DPP10: variants seen among roughly 807,000 people sequenced by gnomAD.
The protein encoded by DPP10 is dipeptidyl peptidase like 10, also known as inactive dipeptidyl peptidase 10.
DPP10 carries 33 observed loss-of-function variants against 120.9 expected under a neutral mutation model. The observed-to-expected ratio is 0.27, with a 90% CI of 0.21 to 0.37. The LOEUF (loss-of-function observed/expected upper bound fraction) is 0.37, where lower values mean the gene tolerates loss of function less well. Among genes scored for constraint, DPP10 ranks in the 10% least tolerant of loss-of-function variants. The pLI, the probability that DPP10 is intolerant of heterozygous loss-of-function variation, is 1.00. For missense variants in DPP10, 816 were observed against 942.8 expected, an observed-to-expected ratio of 0.87 and a Z score of 1.76; for synonymous variants, 337 against 326.1, an observed-to-expected ratio of 1.03 and a Z score of -0.36.
chr2:114,545,369 T>C (rs892284380), intron 1 of DPP10, among the ~76,000 whole-genome samples: 2 of 152,236 alleles, frequency 1.3e-5, no homozygotes, highest in African/African-American at 4.8e-5. Flanking sequence ...TATTTCTATT[T>C]GTCAGCACTG....
intron 2 of DPP10, among the ~76,000 whole-genome samples, chr2:115,331,458 T>A (rs529494044): frequency 6.6e-6 from 1 of 152,312 alleles, no homozygotes; most frequent in Admixed American, 6.5e-5. Context: ...TCCAGCACTA[T>A]GTTGAATAGG....
At chr2:114,798,493 A>G (rs993961726) in intron 1 of DPP10, among the ~76,000 whole-genome samples, 3 of 152,056 alleles carry the variant, frequency 2.0e-5, no homozygotes, top group African/African-American at 7.2e-5. Context: ...AAAAAAAATC[A>G]ATTTGTTTAT....
chr2:114,564,933 A>T (rs1689083423), intron 1 of DPP10, among the ~76,000 whole-genome samples: 1 of 152,236 alleles, frequency 6.6e-6, no homozygotes, highest in Non-Finnish European at 1.5e-5. Flanking sequence ...GTCTCCTTTC[A>T]TCCATTAATA....
At chr2:114,959,241 C>T (rs1698436057) in intron 1 of DPP10, among the ~76,000 whole-genome samples, 1 of 152,106 alleles carries the variant, frequency 6.6e-6, no homozygotes, top group Non-Finnish European at 1.5e-5. Flanking sequence ...GTACAATTCA[C>T]TAGTTTTAAG....
chr2:115,595,435 A>C (rs2082928273), intron 5 of DPP10, among the ~76,000 whole-genome samples: 1 of 152,118 alleles, frequency 6.6e-6, no homozygotes, highest in African/African-American at 2.4e-5. Flanking sequence ...CCATAAAGTA[A>C]GATTTTTATA....
intron 1 of DPP10, among the ~76,000 whole-genome samples, chr2:115,276,519 G>A (rs1233851911): frequency 1.3e-5 from 2 of 152,178 alleles, no homozygotes; most frequent in Admixed American, 6.5e-5. Context: ...AGCAAGAACA[G>A]GGCTAGGTTG....
At chr2:115,331,522 C>A (rs896137171) in intron 2 of DPP10, among the ~76,000 whole-genome samples, 5 of 152,096 alleles carry the variant, frequency 3.3e-5, no homozygotes, top group African/African-American at 1.2e-4. Flanking sequence ...GGAATGCTCC[C>A]AGTTTTTGCC....
At chr2:114,647,495 G>C (rs1275735282) in intron 1 of DPP10, among the ~76,000 whole-genome samples, 1 of 151,868 alleles carries the variant, frequency 6.6e-6, no homozygotes, top group Non-Finnish European at 1.5e-5. Flanking sequence ...GGATTTATAG[G>C]GCACTACATA....
intron 1 of DPP10, among the ~76,000 whole-genome samples, chr2:114,856,047 C>CA (rs1257554920): frequency 6.6e-6 from 1 of 150,992 alleles, no homozygotes; most frequent in African/African-American, 2.4e-5. Flanking sequence ...AAACCAGCAG[C>CA]AAAAAGGCTA....
intron 1 of DPP10, among the ~76,000 whole-genome samples, chr2:114,596,246 A>G (rs941529583): frequency 5.9e-5 from 9 of 151,946 alleles, no homozygotes; most frequent in African/African-American, 2.2e-4. Flanking sequence ...TGAATTATTT[A>G]TTTTTATATG....
At chr2:115,602,672 C>T (rs1274633419) in intron 5 of DPP10, among the ~76,000 whole-genome samples, 1 of 152,048 alleles carries the variant, frequency 6.6e-6, no homozygotes, top group African/African-American at 2.4e-5. Context: ...AAAAAATACA[C>T]CTGTTTGCAA....
chr2:114,888,097 C>T (rs1314369155), intron 1 of DPP10, among the ~76,000 whole-genome samples: 2 of 145,286 alleles, frequency 1.4e-5, no homozygotes, highest in Non-Finnish European at 3.0e-5. Flanking sequence ...GAGCCGAGGT[C>T]GTGCTGCTGC....
chr2:115,652,409 A>ATGTGTGTG (rs71394158), intron 5 of DPP10, among the ~76,000 whole-genome samples: 4 of 145,490 alleles, frequency 2.7e-5, no homozygotes, highest in African/African-American at 7.9e-5. Context: ...TAGGATATAT[A>ATGTGTGTG]TGTGTGTGTG....
intron 1 of DPP10, among the ~76,000 whole-genome samples, chr2:114,485,408 C>G (rs879663599): frequency 5.3e-5 from 8 of 150,046 alleles, no homozygotes; most frequent in Admixed American, 5.3e-4. Context: ...CAGAGAGGAT[C>G]CACTTATTAC....
intron 1 of DPP10, among the ~76,000 whole-genome samples, chr2:114,809,763 G>A (rs1685029517): frequency 1.3e-5 from 2 of 152,118 alleles, no homozygotes; most frequent in Non-Finnish European, 2.9e-5. Context: ...CCCACTCAGA[G>A]TCTATTCAAT....
intron 3 of DPP10, among the ~76,000 whole-genome samples, chr2:115,385,870 C>A (rs1476760613): frequency 6.6e-6 from 1 of 152,144 alleles, no homozygotes; most frequent in African/African-American, 2.4e-5. Context: ...GGTATCACAT[C>A]TTTCCACTCC....
chr2:114,609,196 A>G (rs905909337), intron 1 of DPP10, among the ~76,000 whole-genome samples: 1 of 152,188 alleles, frequency 6.6e-6, no homozygotes. Context: ...CAATGAGGGT[A>G]TATTTTGGAG....
At chr2:114,834,150 C>T (rs539457105) in intron 1 of DPP10, 33 of 150,510 alleles carry the variant, frequency 2.2e-4, no homozygotes, top group East Asian at 3.9e-4. Context: ...GCCATATCTA[C>T]GCACCTATGT....
chr2:114,971,146 C>T (rs1699364564), intron 1 of DPP10, among the ~76,000 whole-genome samples: 1 of 152,172 alleles, frequency 6.6e-6, no homozygotes, highest in Non-Finnish European at 1.5e-5. Flanking sequence ...AGTGTTATCA[C>T]ATTTAGAGCT....
Sources: gnomAD v4.1 joint callset for allele counts (sites outside exome capture counted in the v4.1 genomes callset) on GRCh38, gnomAD v4.1.1 for gene constraint, MANE v1.5 for transcripts, NCBI Gene and HGNC (gene_info 2026-07-23, HGNC 2026-07-21) for gene names.